The following BCL11B variants were observed in gnomAD, a reference collection of about 807,000 sequenced individuals.
BCL11B encodes B-cell lymphoma/leukemia 11B.
Under a neutral mutation model 49.9 loss-of-function variants are expected in BCL11B, and 8 were observed. That is an observed-to-expected ratio of 0.16 (90% CI 0.09 to 0.29). The LOEUF (loss-of-function observed/expected upper bound fraction) is 0.29. Ranked by LOEUF, BCL11B falls within the 10% of genes least tolerant of loss-of-function variation. The pLI is 1.00. For synonymous variants in BCL11B, 739 were observed against 637.4 expected, an observed-to-expected ratio of 1.16 and a Z score of -2.40; for missense variants, 1,006 against 1,351.0, an observed-to-expected ratio of 0.74 and a Z score of 4.00.
In BCL11B at chr14:99,257,514, G is replaced by C. The variant is rs1467328380; in HGVS notation, c.384C>G (p.Leu128=). 3.1e-6 allele frequency: 5 copies of C among 1,612,944 alleles called. No homozygotes were observed. The highest frequency in any genetic ancestry group is 1.7e-5 in the Admixed American group (1 of 59,966). ...TGGGACAGATGCCTTTCGTGGGTGA[G>C]AGCAGGTGGTCATCTTCGTCGGGGG... ...QVTPDEDDHL[L]SPTKGICPKQ... The change falls in exon 2 of 4, where the codon CTC becomes CTG. Residue 128 remains leucine, a synonymous_variant. Coordinates refer to ENST00000357195, the MANE Select transcript of BCL11B (RefSeq NM_138576.4). The surrounding 1 kb of genome is among the most constrained non-coding windows in gnomAD (Gnocchi z 6.2).
intron 3 of BCL11B, among the ~76,000 whole-genome samples, chr14:99,207,865 C>A (rs1346592340): frequency 1.3e-5 from 2 of 152,154 alleles, no homozygotes; most frequent in Non-Finnish European, 2.9e-5. Flanking sequence ...GGACAGGGCT[C>A]TGGCAGATCC....
intron 3 of BCL11B, among the ~76,000 whole-genome samples, chr14:99,197,698 CG>C (rs774590038): frequency 1.7e-4 from 26 of 152,148 alleles, no homozygotes; most frequent in Non-Finnish European, 3.1e-4. Context: ...TTATTTCTAA[CG>C]TCTCTATCTG....
chr14:99,192,251 G>A lies in BCL11B; in HGVS notation c.641-16056C>T, dbSNP rs961427464. On this transcript the variant is annotated intron_variant, in intron 3 of 3. Transcript: ENST00000357195. This position sits in a 1 kb window ranked among gnomAD's most constrained non-coding sequence, Gnocchi z 4.0. ...GGCAGCGTTTCCTTGGAGCGCACACGGTGAACCTGGCTCTCGCATACAGTA... is the reference window on the plus strand; with the variant it reads ...GGCAGCGTTTCCTTGGAGCGCACACAGTGAACCTGGCTCTCGCATACAGTA... Among the ~76,000 whole-genome samples the A allele has an allele frequency of 2.0e-5, 3 of 152,136 alleles. No homozygotes were observed. The highest frequency in any genetic ancestry group is 6.6e-5 in the Admixed American group (1 of 15,266).
chr14:99,204,610 C>T (rs1887482339), intron 3 of BCL11B, among the ~76,000 whole-genome samples: 2 of 152,142 alleles, frequency 1.3e-5, no homozygotes, highest in Admixed American at 6.5e-5. Flanking sequence ...GCTATTCATC[C>T]CAGGGGCAGT....
At position 99,183,665 on chromosome 14, in the gene BCL11B, T is replaced by C. The variant is rs182346831; in HGVS notation, c.641-7470A>G. Reference sequence around the variant, plus strand: ...GCTCGTCGTGGTAAAATACCCCAAATAGGGACCCACATACAGTAGGCACTG... The same window carrying C: ...GCTCGTCGTGGTAAAATACCCCAAACAGGGACCCACATACAGTAGGCACTG... On this transcript the variant is annotated intron_variant, in intron 3 of 3. Transcript: ENST00000357195. Among the ~76,000 whole-genome samples the C allele has an allele frequency of 2.1e-4, 32 of 151,870 alleles. 1 individual carries two copies. The highest frequency in any genetic ancestry group is 6.8e-3 in the Middle Eastern group (2 of 294).
intron 3 of BCL11B, among the ~76,000 whole-genome samples, chr14:99,226,867 T>A (rs1379495296): frequency 6.6e-6 from 1 of 152,234 alleles, no homozygotes; most frequent in Non-Finnish European, 1.5e-5. Flanking sequence ...AACCCCAGAC[T>A]AGTTAAATAA....
chr14:99,243,951 A>C (rs1451133041), intron 2 of BCL11B, among the ~76,000 whole-genome samples: 1 of 109,812 alleles, frequency 9.1e-6, no homozygotes, highest in Non-Finnish European at 1.9e-5. Flanking sequence ...AAAAAAAAAA[A>C]AGCAAGGAAA....
At chr14:99,202,773 C>A (rs1014900668) in intron 3 of BCL11B, among the ~76,000 whole-genome samples, 1 of 152,146 alleles carries the variant, frequency 6.6e-6, no homozygotes, top group Non-Finnish European at 1.5e-5. Flanking sequence ...ATAGCGAGGC[C>A]GAGGCCACCT....
Position 99,173,998 on chromosome 14 carries a change from C to T in BCL11B, c.*153G>A. 2 of 691,436 alleles carry T rather than the reference C, an allele frequency of 2.9e-6. No homozygotes were observed. Among genetic ancestry groups the T allele is most frequent in the East Asian group, 2.7e-5 (1 of 36,794 alleles). The allele number at this position is 691,436 out of a possible 1,614,324, so 42.8% of individuals were successfully genotyped here. The stretch of plus-strand genomic sequence containing the variant: ...CAACCCTCGGGTTTCCATAGGACTT[C>T]GCAGACACAGGTTAGGTTGGAGTGC... On this transcript the variant is annotated 3_prime_UTR_variant, in exon 4 of 4. Transcript: ENST00000357195.
At chr14:99,206,979 A>G (rs146914080) in intron 3 of BCL11B, among the ~76,000 whole-genome samples, 193 of 152,334 alleles carry the variant, frequency 1.3e-3, no homozygotes, top group African/African-American at 4.5e-3. Context: ...CTAAAAAACC[A>G]TGGGATGAAG....
At chr14:99,199,640 C>CTCTGTGTGTGTGTGTGTGTGTGTG (rs1168964373) in intron 3 of BCL11B, among the ~76,000 whole-genome samples, 3 of 109,524 alleles carry the variant, frequency 2.7e-5, no homozygotes, top group East Asian at 2.3e-4. Context: ...TGGCTAAATG[C>CTCTGTGTGTGTGTGTGTGTGTGTG]TGTGTGTGTG....
At chr14:99,245,145 T>C (rs912880855) in intron 2 of BCL11B, among the ~76,000 whole-genome samples, 1 of 152,364 alleles carries the variant, frequency 6.6e-6, no homozygotes, top group South Asian at 2.1e-4. Flanking sequence ...ACTGCTTTTC[T>C]GGGCCTTTAA....
intron 3 of BCL11B, among the ~76,000 whole-genome samples, chr14:99,214,658 T>C (rs1193508247): frequency 6.6e-6 from 1 of 151,550 alleles, no homozygotes; most frequent in Non-Finnish European, 1.5e-5. Flanking sequence ...CTAAAATACA[T>C]TTAAATATTA....
Position 99,178,489 on chromosome 14 carries a change from A to G in BCL11B, c.641-2294T>C, listed in dbSNP as rs560172265. Among the ~76,000 whole-genome samples the G allele has an allele frequency of 6.6e-5, 10 of 152,272 alleles. No homozygotes were observed. In the South Asian group the frequency reaches 1.9e-3, roughly 28 times the overall value. On this transcript the variant is annotated intron_variant, in intron 3 of 3. Transcript: ENST00000357195. ...CGATTCTCCCTGTAAGGCCACCCCA[A>G]CACCACAGCCCTCCTGCTCTGTGCA...
chr14:99,205,567 C>T lies in BCL11B; in HGVS notation c.640+25778G>A, dbSNP rs937193159. Among the ~76,000 whole-genome samples the T allele has an allele frequency of 6.6e-6, 1 of 152,072 alleles. No individual in the cohort carries two copies. Among genetic ancestry groups the T allele is most frequent in the African/African-American group, 2.4e-5 (1 of 41,418 alleles). ...TGGGCGCTCTGTGAACTTTGTGATG[C>T]CTGAGATGAGCTCCCTTTTCCAGAG... On this transcript the variant is annotated intron_variant, in intron 3 of 3. Transcript: ENST00000357195. The surrounding 1 kb of genome is among the most constrained non-coding windows in gnomAD (Gnocchi z 5.0).
At chr14:99,199,683 T>TGCGTGC (rs1555378685) in intron 3 of BCL11B, among the ~76,000 whole-genome samples, 1 of 73,644 alleles carries the variant, frequency 1.4e-5, no homozygotes, top group Non-Finnish European at 4.1e-5. Context: ...TGTGTGTGTG[T>TGCGTGC]GCGCGCGCGC....
chr14:99,209,932 T>C (rs1359248238), intron 3 of BCL11B, among the ~76,000 whole-genome samples: 1 of 152,060 alleles, frequency 6.6e-6, no homozygotes, highest in Admixed American at 6.5e-5. Context: ...CTAAGTCCCC[T>C]GAATGGTCCC....
intron 2 of BCL11B, among the ~76,000 whole-genome samples, chr14:99,245,873 G>T (rs575116948): frequency 6.6e-6 from 1 of 152,106 alleles, no homozygotes; most frequent in Non-Finnish European, 1.5e-5. Context: ...CATCTCCGCC[G>T]GCTGCCAGGG....
Position 99,173,689 on chromosome 14 carries a change from C to T in BCL11B, c.*462G>A, listed in dbSNP as rs1338553270. 4.4e-6 allele frequency: 1 copy of T among 228,018 alleles called. No homozygotes were observed. Among genetic ancestry groups the T allele is most frequent in the Non-Finnish European group, 8.7e-6 (1 of 115,116 alleles). The allele number at this position is 228,018 out of a possible 1,614,324, so 14.1% of individuals were successfully genotyped here. On this transcript the variant is annotated 3_prime_UTR_variant, in exon 4 of 4. Coordinates refer to ENST00000357195, the MANE Select transcript of BCL11B (RefSeq NM_138576.4). ...GTTGGCTTCTTCACAAGAAATTACA[C>T]ATGCTTAGCTTAAATTTCAAAAAAG...
Sources: allele counts gnomAD v4.1 joint callset (sites outside exome capture counted in the v4.1 genomes callset), GRCh38; gene constraint gnomAD v4.1.1; non-coding constraint Gnocchi (gnomAD v3.1); transcripts MANE v1.5; gene names NCBI Gene and HGNC (gene_info 2026-07-23, HGNC 2026-07-21).